The following PABPC4L variants were observed in gnomAD, a reference collection of about 807,000 sequenced individuals.
PABPC4L encodes the protein polyadenylate-binding protein 4-like.
For synonymous variants in PABPC4L, 169 were observed against 164.1 expected (o/e 1.03, Z -0.23); for missense variants, 452 against 451.4 (o/e 1.00, Z -0.01).
At chr4:134,100,830 C>T in the PABPC4L span, among the ~76,000 whole-genome samples, 32 of 151,210 alleles carry the variant, frequency 2.1e-4, no homozygotes, top group Admixed American at 1.8e-3. Context: ...AGACAATGTG[C>T]GAGAGATCTA....
the PABPC4L span, among the ~76,000 whole-genome samples, chr4:134,035,352 C>T: frequency 1.6e-4 from 25 of 151,780 alleles, no homozygotes; most frequent in African/African-American, 6.0e-4. Context: ...CTGAGATATG[C>T]CTCCATATTA....
At chr4:134,147,771 T>TG in the PABPC4L span, among the ~76,000 whole-genome samples, 4 of 151,358 alleles carry the variant, frequency 2.6e-5, no homozygotes, top group East Asian at 3.9e-4. Flanking sequence ...TTGTTGTTGT[T>TG]TTTTCCTAGA....
At chr4:134,007,925 A>C in the PABPC4L span, among the ~76,000 whole-genome samples, 28 of 151,942 alleles carry the variant, frequency 1.8e-4, 1 homozygote, top group Middle Eastern at 3.4e-3. Context: ...TCATATTTTA[A>C]AAGAGAAATA....
the PABPC4L span, among the ~76,000 whole-genome samples, chr4:134,094,530 A>C: frequency 6.6e-6 from 1 of 152,088 alleles, no homozygotes; most frequent in Non-Finnish European, 1.5e-5. Flanking sequence ...GTTTAAAATT[A>C]GTTTAATAAC....
At chr4:134,075,318 C>T in the PABPC4L span, among the ~76,000 whole-genome samples, 1 of 151,968 alleles carries the variant, frequency 6.6e-6, no homozygotes, top group Admixed American at 6.6e-5. Context: ...AGCTGAGAGG[C>T]CAAGGTTTGA....
At chr4:134,035,056 C>G in the PABPC4L span, among the ~76,000 whole-genome samples, 5 of 152,104 alleles carry the variant, frequency 3.3e-5, no homozygotes, top group Non-Finnish European at 7.4e-5. Flanking sequence ...CAATCTTCTG[C>G]AACCACCACT....
At chr4:134,015,935 T>G in the PABPC4L span, among the ~76,000 whole-genome samples, 3 of 152,164 alleles carry the variant, frequency 2.0e-5, no homozygotes, top group African/African-American at 7.2e-5. Context: ...ACACATATAC[T>G]TTCTGCTTCC....
chr4:134,199,394 CA>C lies in PABPC4L; in HGVS notation c.*512del, dbSNP rs992254523. ...TATCTGACTATTTTAAGCATTAATT[CA>C]AAATGAAATTAGGTCTTTAAATTCG... On this transcript the variant is annotated 3_prime_UTR_variant, in exon 2 of 2. Coordinates refer to ENST00000421491, the MANE Select transcript of PABPC4L (RefSeq NM_001114734.2). 5.9e-5 allele frequency: 9 copies of C among 152,056 alleles called. No homozygotes were observed. Among genetic ancestry groups the C allele is most frequent in the African/African-American group, 1.7e-4 (7 of 41,392 alleles). The allele number at this position is 152,056 out of a possible 1,614,324, so 9.4% of individuals were successfully genotyped here.
chr4:134,005,641 G>A, the PABPC4L span, among the ~76,000 whole-genome samples: 1 of 151,884 alleles, frequency 6.6e-6, no homozygotes, highest in South Asian at 2.1e-4. Context: ...AGTTGGTTTT[G>A]GAGTGGTTAC....
chr4:134,177,596 G>C, the PABPC4L span, among the ~76,000 whole-genome samples: 1 of 152,102 alleles, frequency 6.6e-6, no homozygotes, highest in Admixed American at 6.5e-5. Flanking sequence ...GGCAGGCAAT[G>C]CTTGCTAGAG....
chr4:134,000,705 C>T, the PABPC4L span, among the ~76,000 whole-genome samples: 1 of 151,996 alleles, frequency 6.6e-6, no homozygotes, highest in Admixed American at 6.6e-5. Context: ...AGCAGTCAAC[C>T]CATTGAGGAC....
the PABPC4L span, among the ~76,000 whole-genome samples, chr4:134,146,323 TA>T: frequency 7.1e-6 from 1 of 140,986 alleles, no homozygotes; most frequent in Non-Finnish European, 1.5e-5. Context: ...GCAATTTGAA[TA>T]AAAAATTCAA....
the PABPC4L span, among the ~76,000 whole-genome samples, chr4:133,967,860 G>A: frequency 6.6e-6 from 1 of 152,122 alleles, no homozygotes; most frequent in African/African-American, 2.4e-5. Context: ...TAAAGGCAAG[G>A]CAAGAATATA....
At chr4:134,090,436 A>T in the PABPC4L span, among the ~76,000 whole-genome samples, 1 of 152,066 alleles carries the variant, frequency 6.6e-6, no homozygotes, top group Admixed American at 6.6e-5. Flanking sequence ...ATATTTTTTC[A>T]AATGGCTAAC....
At chr4:134,143,584 T>C in the PABPC4L span, among the ~76,000 whole-genome samples, 4 of 150,964 alleles carry the variant, frequency 2.6e-5, no homozygotes, top group Admixed American at 6.6e-5. Context: ...TTCTAATACA[T>C]GAGCATACTG....
At chr4:134,024,504 T>C in the PABPC4L span, among the ~76,000 whole-genome samples, 8 of 152,244 alleles carry the variant, frequency 5.3e-5, no homozygotes, top group African/African-American at 1.7e-4. Flanking sequence ...CCAATGTTCA[T>C]GGGTGAAGAG....
chr4:133,974,810 C>A, the PABPC4L span, among the ~76,000 whole-genome samples: 1 of 152,032 alleles, frequency 6.6e-6, no homozygotes, highest in African/African-American at 2.4e-5. Flanking sequence ...CACTCGACAC[C>A]TACTAATATT....
At chr4:133,956,687 C>T in the PABPC4L span, among the ~76,000 whole-genome samples, 1 of 152,136 alleles carries the variant, frequency 6.6e-6, no homozygotes, top group Non-Finnish European at 1.5e-5. Context: ...ATATCCAAGA[C>T]TGAGTAATTT....
At chr4:134,032,135 C>A in the PABPC4L span, among the ~76,000 whole-genome samples, 1 of 151,696 alleles carries the variant, frequency 6.6e-6, no homozygotes, top group Admixed American at 6.6e-5. Context: ...GGAAAGGCCA[C>A]ATGTTGATAA....
Sources: allele counts gnomAD v4.1 joint callset (sites outside exome capture counted in the v4.1 genomes callset), GRCh38; gene constraint gnomAD v4.1.1; transcripts MANE v1.5; gene names NCBI Gene and HGNC (gene_info 2026-07-23, HGNC 2026-07-21).